The following ZNF71 variants were observed in gnomAD, a reference collection of about 807,000 sequenced individuals.
ZNF71 encodes endothelial zinc finger protein induced by tumor necrosis factor alpha.
In ZNF71, 3 loss-of-function variants were observed where a neutral mutation model predicts 6.7. The observed-to-expected ratio is 0.45, with a 90% CI of 0.20 to 1.16. ZNF71 has a LOEUF of 1.16. ZNF71 is among the 50% of genes most tolerant of loss of function. ZNF71 has a pLI of 0.25. For synonymous variants in ZNF71, 343 were observed against 311.1 expected, an observed-to-expected ratio of 1.10 and a Z score of -1.08; for missense variants, 688 against 728.6, an observed-to-expected ratio of 0.94 and a Z score of 0.64.
Position 56,621,623 on chromosome 19 carries a change from C to T in ZNF71, c.516C>T (p.Ser172=), listed in dbSNP as rs200440090. 2 of 1,614,088 alleles carry T rather than the reference C, an allele frequency of 1.2e-6. No homozygotes were observed. The highest frequency in any genetic ancestry group is 2.7e-5 in the African/African-American group (2 of 74,942). The part of the protein sequence containing the change: ...CPPVRRGKNF[S]STSDLSKPPM... Reference sequence around the variant, plus strand: ...CCGTAAGGCGTGGCAAGAACTTCTCCAGCACTTCAGACCTCAGTAAGCCCC... The same window carrying T: ...CCGTAAGGCGTGGCAAGAACTTCTCTAGCACTTCAGACCTCAGTAAGCCCC... Residue 172 remains serine (S), a synonymous_variant, in exon 4 of 4, where the codon TCC becomes TCT. Coordinates refer to ENST00000599599, the MANE Select transcript of ZNF71 (RefSeq NM_001370215.1).
chr19:56,597,003 C>T (rs568860013), intron 1 of ZNF71, among the ~76,000 whole-genome samples: 22 of 152,042 alleles, frequency 1.4e-4, no homozygotes, highest in African/African-American at 5.1e-4. Context: ...CTTCCAGGGC[C>T]GCTGCATGAT....
In ZNF71 at chr19:56,600,096, G is replaced by GTTT. The variant is rs1162051204; in HGVS notation, c.-52-1395_-52-1393dup. 6.1e-4 allele frequency among the ~76,000 whole-genome samples: 62 copies of GTTT among 101,100 alleles called. 2 individuals are homozygous for GTTT. Among genetic ancestry groups the GTTT allele is most frequent in the African/African-American group, 2.7e-3 (59 of 21,990 alleles). The allele number at this position is 101,100 out of a possible 152,430, so 66.3% of individuals were successfully genotyped here. A position where few individuals can be genotyped will look rare whatever the true frequency, so the allele number is the denominator to read the frequency against. ...GTGTTTTTTTGTTTTTTTGGGGTTT[G>GTTT]TTTTTTTTTTTTTTTTTTGAGATGG... On this transcript the variant is annotated intron_variant, in intron 1 of 3. Coordinates refer to ENST00000599599, the MANE Select transcript of ZNF71 (RefSeq NM_001370215.1).
intron 3 of ZNF71, 97 bp downstream of exon 3, chr19:56,614,035 T>C: frequency 3.0e-6 from 3 of 991,570 alleles, no homozygotes; most frequent in Non-Finnish European, 3.7e-6. Context: ...TCTGACTACA[T>C]GGAAAGTTTT....
Position 56,622,569 on chromosome 19 carries a change from C to T in ZNF71, c.1462C>T (p.His488Tyr). 1 of 1,613,728 alleles carries T rather than the reference C, an allele frequency of 6.2e-7. No individual in the cohort carries two copies. The highest frequency in any genetic ancestry group is 8.5e-7 in the Non-Finnish European group (1 of 1,179,654). Reference protein sequence around the residue: ...AFSQSAYLIEHQRIHTGEKPY... With the variant: ...AFSQSAYLIEYQRIHTGEKPY... ...CAGCCAGAGCGCCTACCTCATCGAGCACCAGCGGATCCACACCGGCGAGAA... is the reference window on the plus strand; with the variant it reads ...CAGCCAGAGCGCCTACCTCATCGAGTACCAGCGGATCCACACCGGCGAGAA... Residue 488 changes from histidine to tyrosine, a missense_variant, in exon 4 of 4, where the codon CAC (histidine) becomes TAC (tyrosine). Coordinates refer to ENST00000599599, the MANE Select transcript of ZNF71 (RefSeq NM_001370215.1).
chr19:56,600,098 T>G (rs1386683906), intron 1 of ZNF71, among the ~76,000 whole-genome samples: 3 of 145,880 alleles, frequency 2.1e-5, no homozygotes, highest in African/African-American at 7.7e-5. Context: ...TGGGGTTTGT[T>G]TTTTTTTTTT....
chr19:56,615,615 C>A (rs2044785271), intron 3 of ZNF71, among the ~76,000 whole-genome samples: 1 of 127,538 alleles, frequency 7.8e-6, no homozygotes, highest in Admixed American at 8.2e-5. Context: ...ACTATGTATT[C>A]TTTAACTATC....
Position 56,595,853 on chromosome 19 carries a change from T to TTGTGTGTGTGTGTGTGTG in ZNF71, c.-53+443_-53+460dup, listed in dbSNP as rs60371305. 1.1e-4 allele frequency among the ~76,000 whole-genome samples: 15 copies of TTGTGTGTGTGTGTGTGTG among 137,598 alleles called. 1 individual carries two copies. The East Asian group carries it at 1.8e-3, about 16-fold the overall frequency. 90.3% of individuals were successfully genotyped at this position (137,598 alleles called of 152,430 possible). On this transcript the variant is annotated intron_variant, in intron 1 of 3. Transcript: ENST00000599599. ...GGATATTGTGATTGTGTGTGTGTGT[T>TTGTGTGTGTGTGTGTGTG]TGTGTGTGTGTGTGTGTGTGTGTGT... is the stretch of plus-strand genomic sequence containing the variant.
At chr19:56,605,779 G>A (rs560826297) in intron 2 of ZNF71, among the ~76,000 whole-genome samples, 10 of 152,310 alleles carry the variant, frequency 6.6e-5, no homozygotes, top group East Asian at 1.9e-4. Context: ...GAAGAGAAGC[G>A]CCAGCTGGGA....
At chr19:56,604,335 G>C (rs570778271) in intron 2 of ZNF71, among the ~76,000 whole-genome samples, 1 of 152,200 alleles carries the variant, frequency 6.6e-6, no homozygotes, top group East Asian at 1.9e-4. Context: ...TAAATTTTTA[G>C]AAAAGGAGGA....
rs35011777 is a variant in ZNF71, at chr19:56,622,265, C to T, written c.1158C>T (p.Tyr386=). The change falls in exon 4 of 4, where the codon TAC becomes TAT. Residue 386 remains tyrosine (Y), a synonymous_variant. Coordinates refer to ENST00000599599, the MANE Select transcript of ZNF71 (RefSeq NM_001370215.1). ...GGAACCACACCGGCGAGAAGCCCTA[C>T]GTGTGCGGCGAGTGCGGCAAGGCCT... ...HQRNHTGEKP[Y]VCGECGKAFS... The T allele has an allele frequency of 0.052, 84,172 of 1,613,374 alleles. 2,595 individuals carry two copies. The highest frequency in any genetic ancestry group is 0.063 in the Non-Finnish European group (73,856 of 1,179,464).
chr19:56,597,573 G>T (rs2044635460), intron 1 of ZNF71, among the ~76,000 whole-genome samples: 1 of 152,188 alleles, frequency 6.6e-6, no homozygotes, highest in African/African-American at 2.4e-5. Flanking sequence ...ATAAAACTGG[G>T]TAACTTGCTT....
At chr19:56,611,084 GA>G (rs2044748641) in intron 2 of ZNF71, among the ~76,000 whole-genome samples, 1 of 152,194 alleles carries the variant, frequency 6.6e-6, no homozygotes, top group South Asian at 2.1e-4. Flanking sequence ...TCCAAAGAAT[GA>G]ATAAGAAGGA....
rs761673576 is a variant in ZNF71 at position 56,621,500 on chromosome 19, A to G, written c.393A>G (p.Ser131=). 1 of 1,614,170 alleles carries G rather than the reference A, an allele frequency of 6.2e-7. No individual in the cohort carries two copies. The highest frequency in any genetic ancestry group is 1.7e-5 in the Admixed American group (1 of 60,030). The change falls in exon 4 of 4, where the codon TCA becomes TCG. Residue 131 remains serine (S), a synonymous_variant. Transcript: ENST00000599599. ...AGGGGAACAAACTCTTAGGGGGCTCAGTACCCGCATGTCATGAACTGAAGG... is the reference window on the plus strand; with the variant it reads ...AGGGGAACAAACTCTTAGGGGGCTCGGTACCCGCATGTCATGAACTGAAGG... The part of the protein sequence containing the change: ...IPQGNKLLGG[S]VPACHELKAF...
rs1410541217 is a variant in ZNF71 at position 56,600,093 on chromosome 19, TTTG to T, written c.-52-1411_-52-1409del. Among the ~76,000 whole-genome samples, 151 of 129,642 alleles carry T rather than the reference TTTG, an allele frequency of 1.2e-3. 3 individuals are homozygous for T. The highest frequency in any genetic ancestry group is 6.0e-3 in the South Asian group (26 of 4,312). 85.1% of individuals were successfully genotyped at this position (129,642 alleles called of 152,430 possible). A position where few individuals can be genotyped will look rare whatever the true frequency, so the allele number is the denominator to read the frequency against. On this transcript the variant is annotated intron_variant, in intron 1 of 3. Coordinates refer to ENST00000599599, the MANE Select transcript of ZNF71 (RefSeq NM_001370215.1). Reference sequence around the variant, plus strand: ...TGTGTGTTTTTTTGTTTTTTTGGGGTTTGTTTTTTTTTTTTTTTTTTGAGATGG... The same window carrying T: ...TGTGTGTTTTTTTGTTTTTTTGGGGTTTTTTTTTTTTTTTTTTTGAGATGG...
intron 1 of ZNF71, among the ~76,000 whole-genome samples, chr19:56,599,883 C>T (rs563550250): frequency 1.3e-4 from 20 of 151,606 alleles, no homozygotes; most frequent in East Asian, 9.7e-4. Flanking sequence ...TTGGTAGAGA[C>T]GGGGTTTCAC....
chr19:56,617,881 A>G (rs1406864244), intron 3 of ZNF71, among the ~76,000 whole-genome samples: 2 of 152,080 alleles, frequency 1.3e-5, no homozygotes, highest in African/African-American at 4.8e-5. Flanking sequence ...TGTTCACTCC[A>G]GGAGACTTCC....
chr19:56,599,717 G>T (rs1157432587), intron 1 of ZNF71, among the ~76,000 whole-genome samples: 4 of 140,386 alleles, frequency 2.8e-5, no homozygotes, highest in Admixed American at 7.2e-5. Flanking sequence ...TTTTTGAGAT[G>T]GAGTCTCGCT....
chr19:56,601,419 C>G (rs1600584098), intron 1 of ZNF71, 88 bp from the exon 2 acceptor site: 1 of 289,080 alleles, frequency 3.5e-6, no homozygotes, highest in African/African-American at 3.2e-5. Flanking sequence ...GCTTGTCTCT[C>G]AGTGGGTGTG....
intron 2 of ZNF71, among the ~76,000 whole-genome samples, chr19:56,602,568 C>A (rs1339774565): frequency 6.6e-6 from 1 of 152,144 alleles, no homozygotes; most frequent in Non-Finnish European, 1.5e-5. Context: ...TGATAGGGGA[C>A]AAATGGTGCC....
Sources: allele counts gnomAD v4.1 joint callset (sites outside exome capture counted in the v4.1 genomes callset), GRCh38; gene constraint gnomAD v4.1.1; transcripts MANE v1.5; gene names NCBI Gene and HGNC (gene_info 2026-07-23, HGNC 2026-07-21).